Variants in CHRM5 observed in about 807,000 individuals in gnomAD.
CHRM5 encodes the protein muscarinic acetylcholine receptor M5.
CHRM5 carries 18 observed loss-of-function variants against 39.0 expected under a neutral mutation model. The observed-to-expected ratio is 0.46, with a 90% confidence interval of 0.32 to 0.68. The LOEUF (loss-of-function observed/expected upper bound fraction) is 0.68, where lower values mean the gene tolerates loss of function less well. Ranked by LOEUF, CHRM5 falls within the 30% of genes least tolerant of loss-of-function variation. CHRM5 has a pLI of 0.04. For missense variants in CHRM5, 515 were observed against 651.1 expected (o/e 0.79, Z 2.28); for synonymous variants, 241 against 246.3 (o/e 0.98, Z 0.20).
chr15:34,044,535 T>C (rs988552660), intron 1 of CHRM5, among the ~76,000 whole-genome samples: 1 of 151,534 alleles, frequency 6.6e-6, no homozygotes, highest in African/African-American at 2.4e-5. Flanking sequence ...CATAACTTTG[T>C]TTATGACAGT....
At chr15:34,040,433 G>A (rs1899420897) in intron 1 of CHRM5, among the ~76,000 whole-genome samples, 1 of 152,170 alleles carries the variant, frequency 6.6e-6, no homozygotes, top group South Asian at 2.1e-4. Flanking sequence ...CAGACAGGGG[G>A]AACTATTGAA....
rs771696857 is a variant in CHRM5, at chr15:34,063,033, T to C, written c.316T>C (p.Trp106Arg). ...TCTCGGGAGTCTGGCTTGTGACCTT[T>C]GGCTTGCACTGGACTACGTGGCCAG... ...WALGSLACDLWLALDYVASNA... is the reference protein window; with the variant it reads ...WALGSLACDLRLALDYVASNA... Residue 106 changes from tryptophan (W) to arginine (R), a missense_variant, in exon 3 of 3, where the codon TGG becomes CGG. By Grantham distance (101) the Trp-to-Arg change is moderately radical. Transcript: ENST00000383263. This position sits in a 1 kb window ranked among gnomAD's most constrained non-coding sequence, Gnocchi z 4.1. 1 of 1,614,238 alleles carries C rather than the reference T, an allele frequency of 6.2e-7. No individual in the cohort carries two copies. The highest frequency in any genetic ancestry group is 2.2e-5 in the East Asian group (1 of 44,886).
chr15:34,033,398 CA>C (rs965150609), intron 1 of CHRM5, among the ~76,000 whole-genome samples: 4 of 151,502 alleles, frequency 2.6e-5, no homozygotes, highest in African/African-American at 9.7e-5. Flanking sequence ...CCCAGCTACT[CA>C]GGAGGCTGAG....
intron 1 of CHRM5, among the ~76,000 whole-genome samples, chr15:33,986,926 G>A (rs1366733961): frequency 6.6e-6 from 1 of 152,124 alleles, no homozygotes; most frequent in African/African-American, 2.4e-5. Context: ...CAAAGTGCTG[G>A]GATTACAGGC....
At chr15:34,017,482 TTG>T (rs1491196814) in intron 1 of CHRM5, among the ~76,000 whole-genome samples, 16 of 66,116 alleles carry the variant, frequency 2.4e-4, no homozygotes, top group East Asian at 3.2e-4. Context: ...GATTTTTTTT[TTG>T]TTTTTTTTTT....
At chr15:34,043,057 C>T (rs546088340) in intron 1 of CHRM5, among the ~76,000 whole-genome samples, 7 of 152,072 alleles carry the variant, frequency 4.6e-5, no homozygotes, top group African/African-American at 1.7e-4. Context: ...ACCATCCTGG[C>T]TAACACAGTG....
At chr15:33,985,632 G>A (rs1489149175) in intron 1 of CHRM5, among the ~76,000 whole-genome samples, 1 of 151,910 alleles carries the variant, frequency 6.6e-6, no homozygotes. Context: ...ATTCTGAAAG[G>A]CAGGCACTGT....
intron 1 of CHRM5, among the ~76,000 whole-genome samples, chr15:34,010,808 T>C (rs1416983380): frequency 1.3e-5 from 2 of 152,224 alleles, no homozygotes; most frequent in Non-Finnish European, 2.9e-5. Flanking sequence ...CATTTCAAAA[T>C]GTTTAATGTT....
chr15:34,051,557 G>A (rs531184218), intron 2 of CHRM5, among the ~76,000 whole-genome samples: 8 of 152,130 alleles, frequency 5.3e-5, no homozygotes, highest in Admixed American at 1.3e-4. Context: ...CTAGGAGCTG[G>A]TTTTTTGAAA....
intron 1 of CHRM5, among the ~76,000 whole-genome samples, chr15:33,999,440 T>C (rs1897056204): frequency 6.6e-6 from 1 of 152,156 alleles, no homozygotes; most frequent in Non-Finnish European, 1.5e-5. Flanking sequence ...CAGCCATTTA[T>C]TAAGGAATTC....
chr15:34,039,735 CATTT>C (rs1195344856), intron 1 of CHRM5, among the ~76,000 whole-genome samples: 1 of 152,104 alleles, frequency 6.6e-6, no homozygotes, highest in African/African-American at 2.4e-5. Context: ...CTACAGCTGA[CATTT>C]ATTGAGCACA....
At chr15:33,973,926 G>C (rs1185065390) in intron 1 of CHRM5, among the ~76,000 whole-genome samples, 1 of 152,088 alleles carries the variant, frequency 6.6e-6, no homozygotes, top group African/African-American at 2.4e-5. Flanking sequence ...ATATACCTCA[G>C]CTGCATTTCA....
chr15:34,029,467 G>A (rs1898658889), intron 1 of CHRM5, among the ~76,000 whole-genome samples: 1 of 140,146 alleles, frequency 7.1e-6, no homozygotes, highest in Admixed American at 7.5e-5. Flanking sequence ...GATCACTTGA[G>A]TCCAGGAGTT....
chr15:34,003,583 T>C (rs1380428987), intron 1 of CHRM5, among the ~76,000 whole-genome samples: 1 of 152,242 alleles, frequency 6.6e-6, no homozygotes. Flanking sequence ...TTTATGGATA[T>C]GGATTTTACA....
intron 2 of CHRM5, among the ~76,000 whole-genome samples, chr15:34,060,929 T>C (rs1045953997): frequency 2.0e-5 from 3 of 150,158 alleles, no homozygotes; most frequent in African/African-American, 7.4e-5. Context: ...GGCAGGAGAA[T>C]GGCGTGAACC....
intron 2 of CHRM5, among the ~76,000 whole-genome samples, chr15:34,062,424 G>A (rs1900365655): frequency 6.6e-6 from 1 of 151,910 alleles, no homozygotes; most frequent in Non-Finnish European, 1.5e-5. Context: ...GCGTGGTGGT[G>A]GGAGCCTGTG....
chr15:34,023,237 G>A (rs974565485), intron 1 of CHRM5, among the ~76,000 whole-genome samples: 1 of 151,726 alleles, frequency 6.6e-6, no homozygotes, highest in African/African-American at 2.4e-5. Flanking sequence ...CCCCACTCAG[G>A]TTGCTACTCC....
At chr15:34,023,047 C>T (rs936002412) in intron 1 of CHRM5, among the ~76,000 whole-genome samples, 14 of 152,146 alleles carry the variant, frequency 9.2e-5, no homozygotes, top group African/African-American at 3.1e-4. Context: ...ATTAGCCTGG[C>T]GTGGTGGTGT....
At chr15:34,001,586 GT>G (rs1410932665) in intron 1 of CHRM5, among the ~76,000 whole-genome samples, 1 of 152,088 alleles carries the variant, frequency 6.6e-6, no homozygotes, top group African/African-American at 2.4e-5. Flanking sequence ...CAAAATATAG[GT>G]ACCAAGAGGG....
Sources: gnomAD v4.1 joint callset for allele counts (sites outside exome capture counted in the v4.1 genomes callset) on GRCh38, gnomAD v4.1.1 for gene constraint, Gnocchi (gnomAD v3.1) non-coding constraint, MANE v1.5 for transcripts, NCBI Gene and HGNC (gene_info 2026-07-23, HGNC 2026-07-21) for gene names.